Variants in CSMD1 observed in about 807,000 individuals in gnomAD.
The protein encoded by CSMD1 is CUB and sushi domain-containing protein 1.
CSMD1 carries 213 observed loss-of-function variants against 417.5 expected under a neutral mutation model. That is an observed-to-expected ratio of 0.51 (90% confidence interval 0.46 to 0.57). The LOEUF is 0.57. Ranked by LOEUF, CSMD1 falls within the 20% of genes least tolerant of loss-of-function variation. The pLI is 0.00. For missense variants in CSMD1, 6,923 were observed against 4,529.7 expected, an observed-to-expected ratio of 1.53 and a Z score of -15.17; for synonymous variants, 2,862 against 1,736.8, an observed-to-expected ratio of 1.65 and a Z score of -16.11.
At chr8:4,550,127 C>A (rs73182986) in intron 2 of CSMD1, among the ~76,000 whole-genome samples, 26,141 of 151,428 alleles carry the variant, frequency 0.17, 2,276 homozygotes, top group Middle Eastern at 0.22. Flanking sequence ...CCCCAGTTCT[C>A]CTTTTCTGCT....
intron 1 of CSMD1, among the ~76,000 whole-genome samples, chr8:4,969,576 C>G (rs1490857281): frequency 1.3e-5 from 2 of 151,752 alleles, no homozygotes; most frequent in East Asian, 3.9e-4. Context: ...CAGCTCAGTT[C>G]TATTTTTATC....
chr8:3,818,123 C>T (rs757075011), intron 5 of CSMD1, among the ~76,000 whole-genome samples: 18 of 152,072 alleles, frequency 1.2e-4, no homozygotes, highest in Non-Finnish European at 2.5e-4. Flanking sequence ...AGCCCAGGAC[C>T]CAAAGAGAGT....
intron 5 of CSMD1, among the ~76,000 whole-genome samples, chr8:3,950,769 A>G (rs1227154420): frequency 6.6e-6 from 1 of 152,222 alleles, no homozygotes; most frequent in African/African-American, 2.4e-5. Flanking sequence ...CTCATCGCTA[A>G]CAAACAGTAC....
At position 3,919,044 on chromosome 8, in the gene CSMD1, A is replaced by G. The variant is rs190868229; in HGVS notation, c.818+78859T>C. 6.9e-3 allele frequency among the ~76,000 whole-genome samples: 1,050 copies of G among 152,172 alleles called. 6 individuals carry two copies. Among genetic ancestry groups the G allele is most frequent in the Non-Finnish European group, 0.012 (822 of 67,988 alleles). ...ACCTATGGAAATATTTTTAAAAAAT[A>G]TGTGGTTGTAAAAATTTTCTCCCAT... On this transcript the variant is annotated intron_variant, in intron 5 of 69. Coordinates refer to ENST00000635120, the MANE Select transcript of CSMD1 (RefSeq NM_033225.6).
intron 51 of CSMD1, 93 bp from the exon 52 acceptor site, chr8:3,018,743 A>T (rs1809090961): frequency 3.3e-6 from 4 of 1,225,430 alleles, no homozygotes; most frequent in Non-Finnish European, 4.6e-6. Flanking sequence ...AAAAAAAACC[A>T]AAAAACTATT....
intron 40 of CSMD1, among the ~76,000 whole-genome samples, chr8:3,145,288 T>G (rs1818776119): frequency 6.6e-6 from 1 of 152,174 alleles, no homozygotes; most frequent in South Asian, 2.1e-4. Flanking sequence ...ATTGGAACAC[T>G]TAATATTTTA....
At chr8:4,351,116 C>T (rs938100579) in intron 3 of CSMD1, among the ~76,000 whole-genome samples, 5 of 150,994 alleles carry the variant, frequency 3.3e-5, no homozygotes, top group African/African-American at 9.8e-5. Flanking sequence ...CCCAGGGGTT[C>T]GAGACCAGTC....
chr8:4,177,995 A>G (rs956821024), intron 3 of CSMD1, among the ~76,000 whole-genome samples: 1 of 152,230 alleles, frequency 6.6e-6, no homozygotes, highest in Non-Finnish European at 1.5e-5. Context: ...AAATTCTACC[A>G]GAGTTACAAG....
intron 5 of CSMD1, among the ~76,000 whole-genome samples, chr8:3,918,397 C>A (rs1023666287): frequency 6.6e-6 from 1 of 152,062 alleles, no homozygotes; most frequent in Non-Finnish European, 1.5e-5. Context: ...TAACAAATAT[C>A]ACGTGATATA....
intron 9 of CSMD1, among the ~76,000 whole-genome samples, chr8:3,575,923 A>G (rs928972190): frequency 1.2e-4 from 19 of 152,134 alleles, no homozygotes; most frequent in African/African-American, 3.6e-4. Context: ...TTCATAATTT[A>G]AACTGGGTTT....
chr8:4,434,597 A>T (rs1798048214), intron 2 of CSMD1, among the ~76,000 whole-genome samples: 1 of 152,214 alleles, frequency 6.6e-6, no homozygotes, highest in African/African-American at 2.4e-5. Context: ...CAGTCAATGA[A>T]GCTAATCCAA....
intron 4 of CSMD1, among the ~76,000 whole-genome samples, chr8:4,018,606 G>T (rs569718014): frequency 1.3e-5 from 2 of 152,340 alleles, no homozygotes; most frequent in African/African-American, 4.8e-5. Context: ...GCCCCACTCA[G>T]ACTATTCAGG....
intron 10 of CSMD1, among the ~76,000 whole-genome samples, chr8:3,511,399 G>A (rs1177786800): frequency 6.6e-6 from 1 of 151,542 alleles, no homozygotes; most frequent in Non-Finnish European, 1.5e-5. Flanking sequence ...TTCCTTAACT[G>A]GCATGTTATA....
intron 1 of CSMD1, among the ~76,000 whole-genome samples, chr8:4,964,534 G>A (rs534939640): frequency 4.7e-4 from 60 of 128,300 alleles, no homozygotes; most frequent in Admixed American, 7.1e-4. Flanking sequence ...AAGGAAGGAA[G>A]GAAGGAAAAA....
intron 18 of CSMD1, among the ~76,000 whole-genome samples, chr8:3,370,895 A>G (rs4875704): frequency 0.76 from 115,750 of 151,954 alleles, 44,448 homozygotes; most frequent in African/African-American, 0.86. Flanking sequence ...AAAATCACTT[A>G]AACCCGGGAT....
chr8:3,864,475 TTTTTTATTATAC>T (rs1804946586), intron 5 of CSMD1, among the ~76,000 whole-genome samples: 1 of 152,172 alleles, frequency 6.6e-6, no homozygotes. Context: ...GGAAGACACT[TTTTTTATTATAC>T]TTTAAGTTTT....
rs140570902 is a variant in CSMD1, at chr8:3,788,050, G to A, written c.819-34008C>T. ...GCTAGAGTCTTAACCTCACACACTGGCTCAAAAAGCCTCTCCATCCAGTGA... is the reference window on the plus strand; with the variant it reads ...GCTAGAGTCTTAACCTCACACACTGACTCAAAAAGCCTCTCCATCCAGTGA... On this transcript the variant is annotated intron_variant, in intron 5 of 69. Transcript: ENST00000635120. Among the ~76,000 whole-genome samples the A allele has an allele frequency of 1.2e-3, 179 of 152,266 alleles. 1 individual carries two copies. Among genetic ancestry groups the A allele is most frequent in the African/African-American group, 4.1e-3 (170 of 41,544 alleles).
chr8:3,024,345 G>A (rs367614989), intron 51 of CSMD1, among the ~76,000 whole-genome samples: 13 of 151,542 alleles, frequency 8.6e-5, no homozygotes, highest in African/African-American at 1.7e-4. Context: ...TTGCTCTGTC[G>A]CCCAGGCTAG....
intron 2 of CSMD1, among the ~76,000 whole-genome samples, chr8:4,444,173 G>A (rs988448023): frequency 6.6e-6 from 1 of 151,440 alleles, no homozygotes. Flanking sequence ...AAAACCCTGT[G>A]CCTACTAAAA....
Sources: gnomAD v4.1 joint callset for allele counts (sites outside exome capture counted in the v4.1 genomes callset) on GRCh38, gnomAD v4.1.1 for gene constraint, MANE v1.5 for transcripts, NCBI Gene and HGNC (gene_info 2026-07-23, HGNC 2026-07-21) for gene names.